The following GPR39 variants were observed in gnomAD, a reference collection of about 807,000 sequenced individuals.
The protein encoded by GPR39 is zinc sensing receptor.
Under a neutral mutation model 18.4 loss-of-function variants are expected in GPR39, and 23 were observed. That is an observed-to-expected ratio of 1.25 (90% CI 0.90 to 1.77). The LOEUF (loss-of-function observed/expected upper bound fraction) is 1.77, where lower values mean the gene tolerates loss of function less well. Ranked by LOEUF, GPR39 falls within the 40% of genes most tolerant of loss-of-function variation. The pLI is 0.00. For synonymous variants in GPR39, 280 were observed against 257.9 expected (o/e 1.09, Z -0.82); for missense variants, 647 against 602.4 (o/e 1.07, Z -0.78).
At chr2:132,424,793 A>C in intron 1 of GPR39, among the ~76,000 whole-genome samples, 1 of 152,204 alleles carries the variant, frequency 6.6e-6, no homozygotes, top group East Asian at 1.9e-4. Flanking sequence ...GAATAAAAAA[A>C]CAGACAACCC....
At chr2:132,611,525 G>T (rs573499009) in intron 1 of GPR39, among the ~76,000 whole-genome samples, 2 of 152,132 alleles carry the variant, frequency 1.3e-5, no homozygotes, top group South Asian at 4.1e-4. Flanking sequence ...GCATATTTCA[G>T]CTTGGTTCAA....
At chr2:132,565,669 C>T (rs985532118) in intron 1 of GPR39, among the ~76,000 whole-genome samples, 110 of 145,866 alleles carry the variant, frequency 7.5e-4, no homozygotes, top group African/African-American at 2.3e-3. Context: ...TTTGTTCTTG[C>T]GATAGTTTAC....
intron 1 of GPR39, among the ~76,000 whole-genome samples, chr2:132,485,958 C>A (rs1178198122): frequency 6.6e-6 from 1 of 152,118 alleles, no homozygotes; most frequent in Non-Finnish European, 1.5e-5. Context: ...TCGCTGACAG[C>A]TATAGACTTA....
At chr2:132,544,637 A>G (rs529506626) in intron 1 of GPR39, among the ~76,000 whole-genome samples, 1 of 152,164 alleles carries the variant, frequency 6.6e-6, no homozygotes, top group Non-Finnish European at 1.5e-5. Context: ...CACACTTACC[A>G]TGGGATCTGC....
intron 1 of GPR39, among the ~76,000 whole-genome samples, chr2:132,498,696 G>A (rs1681695572): frequency 6.6e-6 from 1 of 152,168 alleles, no homozygotes; most frequent in Non-Finnish European, 1.5e-5. Flanking sequence ...CACGAGCAAT[G>A]TGAAAGTATT....
rs1680502601 is a variant in GPR39 at position 132,444,645 on chromosome 2, G to T, written c.856+26747G>T. Among the ~76,000 whole-genome samples the T allele has an allele frequency of 2.0e-5, 3 of 152,178 alleles. No homozygotes were observed. The South Asian group carries it at 6.2e-4, about 31-fold the overall frequency. ...GGCTTCTGAACTCATGCATCTGCTG[G>T]AGTCTGGCAGTGTTTGGCCGCTTCA... On this transcript the variant is annotated intron_variant, in intron 1 of 1. Coordinates refer to ENST00000329321, the MANE Select transcript of GPR39 (RefSeq NM_001508.3).
At chr2:132,461,459 A>G (rs1680830263) in intron 1 of GPR39, among the ~76,000 whole-genome samples, 1 of 152,210 alleles carries the variant, frequency 6.6e-6, no homozygotes, top group African/African-American at 2.4e-5. Context: ...TTTGAAAGTA[A>G]TATACCAAAA....
Position 132,587,578 on chromosome 2 carries a change from C to A in GPR39, c.857-57523C>A, listed in dbSNP as rs552074874. 1.7e-4 allele frequency among the ~76,000 whole-genome samples: 26 copies of A among 152,258 alleles called. No individual in the cohort carries two copies. In the South Asian group the frequency reaches 2.7e-3, roughly 16 times the overall value. ...ATGGAGTCTTGCTCTATCGGCCAGG[C>A]TGGAATGCGGTAGTGCGATCTCAGC... On this transcript the variant is annotated intron_variant, in intron 1 of 1. Transcript: ENST00000329321.
chr2:132,646,057 C>G lies in GPR39; in HGVS notation c.*451C>G. 6.4e-7 allele frequency: 1 copy of G among 1,574,296 alleles called. No individual in the cohort carries two copies. Among genetic ancestry groups the G allele is most frequent in the Non-Finnish European group, 8.6e-7 (1 of 1,158,234 alleles). On this transcript the variant is annotated 3_prime_UTR_variant, in exon 2 of 2. Coordinates refer to ENST00000329321, the MANE Select transcript of GPR39 (RefSeq NM_001508.3). Reference sequence around the variant, plus strand: ...ATCTCCTTCAGCTTCAGCAGTGTGCCGAGAAGAGGGCTAATTTGAGGAACA... The same window carrying G: ...ATCTCCTTCAGCTTCAGCAGTGTGCGGAGAAGAGGGCTAATTTGAGGAACA...
intron 1 of GPR39, among the ~76,000 whole-genome samples, chr2:132,575,038 AT>A (rs1264521021): frequency 2.0e-5 from 3 of 152,008 alleles, no homozygotes; most frequent in Admixed American, 6.6e-5. Context: ...TTCTACATTT[AT>A]TTTTTTCATA....
At chr2:132,561,615 C>CAA (rs1375894156) in intron 1 of GPR39, among the ~76,000 whole-genome samples, 2 of 141,480 alleles carry the variant, frequency 1.4e-5, no homozygotes, top group Non-Finnish European at 3.1e-5. Flanking sequence ...CACACACACA[C>CAA]AGATAAGGAA....
chr2:132,422,413 G>C (rs1350500105), intron 1 of GPR39, among the ~76,000 whole-genome samples: 1 of 152,094 alleles, frequency 6.6e-6, no homozygotes, highest in Non-Finnish European at 1.5e-5. Context: ...ATACTCTACT[G>C]TATATTTCGT....
chr2:132,521,120 G>A lies in GPR39; in HGVS notation c.856+103222G>A, dbSNP rs142742108. Among the ~76,000 whole-genome samples, 289 of 152,246 alleles carry A rather than the reference G, an allele frequency of 1.9e-3. 2 individuals carry two copies. The highest frequency in any genetic ancestry group is 5.9e-3 in the African/African-American group (245 of 41,532). The stretch of plus-strand genomic sequence containing the variant: ...CACAGGATGACTTCGCCTTTCCAAT[G>A]GGAACAAGGGAGAAGGATGAAGGGT... On this transcript the variant is annotated intron_variant, in intron 1 of 1. Coordinates refer to ENST00000329321, the MANE Select transcript of GPR39 (RefSeq NM_001508.3).
At chr2:132,498,293 C>A (rs894400415) in intron 1 of GPR39, among the ~76,000 whole-genome samples, 1 of 152,138 alleles carries the variant, frequency 6.6e-6, no homozygotes. Context: ...CCTTTGCATC[C>A]TCATAGCTTA....
Position 132,646,484 on chromosome 2 carries a change from C to CAAAACTGTTCCAAAAGCGATTTGAG in GPR39, c.*880_*904dup. On this transcript the variant is annotated 3_prime_UTR_variant, in exon 2 of 2. Coordinates refer to ENST00000329321, the MANE Select transcript of GPR39 (RefSeq NM_001508.3). ...ACAGGCACTATTTCATTAGTTTTAACAAAACTGTTCCAAAAGCGATTTGAG... is the reference window on the plus strand; with the variant it reads ...ACAGGCACTATTTCATTAGTTTTAACAAAACTGTTCCAAAAGCGATTTGAGAAAACTGTTCCAAAAGCGATTTGAG... 2.5e-6 allele frequency: 1 copy of CAAAACTGTTCCAAAAGCGATTTGAG among 402,070 alleles called. No individual in the cohort carries two copies. Among genetic ancestry groups the CAAAACTGTTCCAAAAGCGATTTGAG allele is most frequent in the Non-Finnish European group, 4.4e-6 (1 of 228,722 alleles). The allele number at this position is 402,070 out of a possible 1,614,324, so 24.9% of individuals were successfully genotyped here.
chr2:132,469,876 G>A (rs1375742359), intron 1 of GPR39, among the ~76,000 whole-genome samples: 2 of 152,182 alleles, frequency 1.3e-5, no homozygotes, highest in East Asian at 1.9e-4. Flanking sequence ...TGCTGTGCCC[G>A]AAGTTCTGTG....
intron 1 of GPR39, among the ~76,000 whole-genome samples, chr2:132,629,966 G>A (rs1681618717): frequency 6.6e-6 from 1 of 152,188 alleles, no homozygotes; most frequent in Admixed American, 6.5e-5. Context: ...TTCAACGATA[G>A]TGCGTCTTAT....
At chr2:132,561,164 C>A (rs532753956) in intron 1 of GPR39, among the ~76,000 whole-genome samples, 5 of 152,166 alleles carry the variant, frequency 3.3e-5, no homozygotes, top group African/African-American at 1.2e-4. Flanking sequence ...ATGATCCACC[C>A]GCCTCAGACT....
chr2:132,453,833 G>A (rs539858647), intron 1 of GPR39, among the ~76,000 whole-genome samples: 31 of 152,170 alleles, frequency 2.0e-4, no homozygotes, highest in African/African-American at 7.0e-4. Flanking sequence ...CTGTTTCATT[G>A]GTCTATATGT....
Sources: gnomAD v4.1 joint callset for allele counts (sites outside exome capture counted in the v4.1 genomes callset) on GRCh38, gnomAD v4.1.1 for gene constraint, MANE v1.5 for transcripts, NCBI Gene and HGNC (gene_info 2026-07-23, HGNC 2026-07-21) for gene names.